RIPOR1: variants seen among roughly 807,000 people sequenced by gnomAD.
The protein encoded by RIPOR1 is RHO family interacting cell polarization regulator 1.
A neutral mutation model predicts 116.5 loss-of-function variants in RIPOR1; 58 were observed. That is an observed-to-expected ratio of 0.50 (90% confidence interval 0.40 to 0.62). The LOEUF (loss-of-function observed/expected upper bound fraction) is 0.62, where lower values mean the gene tolerates loss of function less well. RIPOR1 is among the 20% of genes least tolerant of loss of function. The pLI is 0.00. For synonymous variants in RIPOR1, 605 were observed against 650.0 expected (o/e 0.93, Z 1.05); for missense variants, 1,372 against 1,586.2 (o/e 0.86, Z 2.29).
chr16:67,520,115 T>C (rs1157125803), intron 1 of RIPOR1, among the ~76,000 whole-genome samples: 13 of 140,070 alleles, frequency 9.3e-5, no homozygotes, highest in Admixed American at 7.3e-5. Flanking sequence ...CAGTGGCTCA[T>C]GCCTGTGATC....
In RIPOR1 at chr16:67,545,859, G is replaced by A. The variant is rs1007341932; in HGVS notation, c.3386G>A (p.Arg1129Lys). 8.1e-6 allele frequency: 13 copies of A among 1,607,728 alleles called. No homozygotes were observed. The highest frequency in any genetic ancestry group is 1.7e-5 in the Admixed American group (1 of 59,590). Residue 1129 changes from arginine to lysine, a missense_variant and splice_region_variant, in exon 19 of 22, where the codon AGG becomes AAG. Physicochemically the swap from Arg to Lys is conservative, Grantham distance 26 (BLOSUM62 2). Coordinates refer to ENST00000042381, the MANE Select transcript of RIPOR1 (RefSeq NM_024519.4). The surrounding 1 kb of genome is among the most constrained non-coding windows in gnomAD (Gnocchi z 4.8). The stretch of plus-strand genomic sequence containing the variant: ...TCACTGGGCCCTACCTTCCGGGAGA[G>A]GGTGAGTTGGACAGGGCTCCCTTGA... ...SLSLGPTFRERALLCFLDQLE... is the reference protein window; with the variant it reads ...SLSLGPTFREKALLCFLDQLE...
Position 67,545,570 on chromosome 16 carries a change from G to C in RIPOR1, c.3190+36G>C, listed in dbSNP as rs1250367569. 1 of 1,608,784 alleles carries C rather than the reference G, an allele frequency of 6.2e-7. No homozygotes were observed. Among genetic ancestry groups the C allele is most frequent in the Non-Finnish European group, 8.5e-7 (1 of 1,176,624 alleles). On this transcript the variant is annotated intron_variant, in intron 18 of 21. Coordinates refer to ENST00000042381, the MANE Select transcript of RIPOR1 (RefSeq NM_024519.4). This position sits in a 1 kb window ranked among gnomAD's most constrained non-coding sequence, Gnocchi z 4.8. ...GGCCCTGATCACATAGTGGCCTCTT[G>C]GGGTCTGAGGACATGAGGACAAGCC...
At chr16:67,524,219 G>T (rs991086902), upstream of RIPOR1, among the ~76,000 whole-genome samples, 9 of 152,346 alleles carry the variant, frequency 5.9e-5, no homozygotes, top group Non-Finnish European at 1.0e-4. Flanking sequence ...CCTGATGACA[G>T]TGGTAAAGCC....
intron 1 of RIPOR1, among the ~76,000 whole-genome samples, chr16:67,535,959 G>A (rs1197472188): frequency 6.6e-6 from 1 of 152,152 alleles, no homozygotes; most frequent in Admixed American, 6.5e-5. Context: ...CTGTCGGGGG[G>A]AGGGGGAACT....
intron 6 of RIPOR1, 38 bp downstream of exon 6, chr16:67,539,937 T>C (rs1237612364): frequency 1.2e-6 from 2 of 1,612,322 alleles, no homozygotes; most frequent in East Asian, 2.2e-5. Context: ...GGGTGGGGGG[T>C]TGGATATCAT....
Position 67,543,778 on chromosome 16 carries a change from C to G in RIPOR1, c.2600+309C>G, listed in dbSNP as rs1291884436. ...TGGGTGCCTCCAGCCCCTCCTCTTC[C>G]CCTTGGCCTCACCTTGGACCTGCCC... is the stretch of plus-strand genomic sequence containing the variant. On this transcript the variant is annotated intron_variant, in intron 14 of 21. Coordinates refer to ENST00000042381, the MANE Select transcript of RIPOR1 (RefSeq NM_024519.4). The surrounding 1 kb of genome is among the most constrained non-coding windows in gnomAD (Gnocchi z 4.7). The G allele has an allele frequency of 8.5e-6, 4 of 469,722 alleles. No homozygotes were observed. The highest frequency in any genetic ancestry group is 7.9e-5 in the African/African-American group (4 of 50,702). 29.1% of individuals were successfully genotyped at this position (469,722 alleles called of 1,614,324 possible).
chr16:67,527,687 T>C (rs541294047), upstream of RIPOR1, among the ~76,000 whole-genome samples: 15 of 151,828 alleles, frequency 9.9e-5, no homozygotes, highest in East Asian at 2.5e-3. Flanking sequence ...CCATCCTGGC[T>C]AACATGGTGA....
At position 67,543,888 on chromosome 16, in the gene RIPOR1, G is replaced by A. The variant is rs2051080682; in HGVS notation, c.2601-411G>A. ...CTTCTCAACCCCGACTCTCCCAGAG[G>A]CCCTGGCCCCTCAACTGTCAGTCCT... On this transcript the variant is annotated intron_variant, in intron 14 of 21. Transcript: ENST00000042381. This position sits in a 1 kb window ranked among gnomAD's most constrained non-coding sequence, Gnocchi z 4.7. The A allele has an allele frequency of 5.6e-6, 2 of 354,496 alleles. No homozygotes were observed. The highest frequency in any genetic ancestry group is 3.4e-5 in the South Asian group (1 of 29,048). The allele number at this position is 354,496 out of a possible 1,614,324, so 22.0% of individuals were successfully genotyped here. A position where few individuals can be genotyped will look rare whatever the true frequency, so the allele number is the denominator to read the frequency against.
rs1185058760 is a variant in RIPOR1, at chr16:67,543,186, C to T, written c.2400C>T (p.Ala800=). The change falls in exon 13 of 22, where the codon GCC becomes GCT. Residue 800 remains alanine, a synonymous_variant. Transcript: ENST00000042381. This position sits in a 1 kb window ranked among gnomAD's most constrained non-coding sequence, Gnocchi z 4.7. ...AGGCACTGGGGGCCCTAATGGCTGCCCTGGATGACTACCGTGGCCAGTTTC... is the reference window on the plus strand; with the variant it reads ...AGGCACTGGGGGCCCTAATGGCTGCTCTGGATGACTACCGTGGCCAGTTTC... The part of the protein sequence containing the change: ...LEEALGALMA[A]LDDYRGQFPE... 3.2e-6 allele frequency: 5 copies of T among 1,550,216 alleles called. No individual in the cohort carries two copies. The South Asian group carries it at 6.2e-5, about 19-fold the overall frequency.
At chr16:67,523,722 C>T (rs1457133217) in intron 1 of RIPOR1, among the ~76,000 whole-genome samples, 1 of 151,302 alleles carries the variant, frequency 6.6e-6, no homozygotes, top group African/African-American at 2.4e-5. Context: ...GCTCTGTTGC[C>T]CAGGCTGGAG....
intron 1 of RIPOR1, among the ~76,000 whole-genome samples, chr16:67,520,513 T>A (rs1341666553): frequency 6.6e-6 from 1 of 150,692 alleles, no homozygotes; most frequent in East Asian, 1.9e-4. Context: ...GTATCAAGAA[T>A]GAGGTGTGGC....
At position 67,541,699 on chromosome 16, in the gene RIPOR1, A is replaced by G. The variant is rs747743605; in HGVS notation, c.997A>G (p.Lys333Glu). ...GCCCTCAGCTGCTTCTTCTGTCAAC[A>G]AGGCCTCCACAGTCACCAAGCGCTT... ...DQPSAASSVNKASTVTKRFST... is the reference protein window; with the variant it reads ...DQPSAASSVNEASTVTKRFST... The change falls in exon 12 of 22, where the codon AAG becomes GAG. Residue 333 changes from lysine to glutamate, a missense_variant. Physicochemically the swap from Lys to Glu is moderately conservative, Grantham distance 56. Around this residue, in one of 3 missense-constraint regions of RIPOR1, gnomAD observed 1,005 missense variants for 1,144.7 expected, o/e 0.88. Transcript: ENST00000042381. The surrounding 1 kb of genome is among the most constrained non-coding windows in gnomAD (Gnocchi z 4.6). 1.2e-6 allele frequency: 2 copies of G among 1,613,974 alleles called. No individual in the cohort carries two copies. Among genetic ancestry groups the G allele is most frequent in the Non-Finnish European group, 1.7e-6 (2 of 1,179,950 alleles).
Position 67,544,756 on chromosome 16 carries a change from G to A in RIPOR1, c.2795G>A (p.Arg932Gln), listed in dbSNP as rs778355725. ...QEAWALERLL[R>Q]EARVLEAVCE... The stretch of plus-strand genomic sequence containing the variant: ...GCATGGGCCCTGGAGCGGCTGCTGC[G>A]GGAAGCCCGAGTACTGGAGGCAGTA... Residue 932 changes from arginine to glutamine, a missense_variant, in exon 16 of 22, where the codon CGG becomes CAG. This residue lies in a region of RIPOR1 where 1,005 missense variants were observed against 1,144.7 expected (regional missense o/e 0.88). Transcript: ENST00000042381. The surrounding 1 kb of genome is among the most constrained non-coding windows in gnomAD (Gnocchi z 5.1). 1.2e-5 allele frequency: 19 copies of A among 1,611,898 alleles called. No individual in the cohort carries two copies. Among genetic ancestry groups the A allele is most frequent in the East Asian group, 4.5e-5 (2 of 44,804 alleles).
At chr16:67,526,490 G>T (rs1373065337), upstream of RIPOR1, among the ~76,000 whole-genome samples, 1 of 152,214 alleles carries the variant, frequency 6.6e-6, no homozygotes, top group Admixed American at 6.5e-5. Flanking sequence ...TAAGGAGAAA[G>T]AAGCAAGAGG....
intron 1 of RIPOR1, among the ~76,000 whole-genome samples, chr16:67,533,246 C>A (rs2142452964): frequency 6.6e-6 from 1 of 152,272 alleles, no homozygotes. Context: ...CCAGCATGCA[C>A]TATGACAGCG....
Position 67,540,335 on chromosome 16 carries a change from G to A in RIPOR1, c.603G>A (p.Gln201=). Residue 201 remains glutamine (Q), a synonymous_variant, in exon 8 of 22, where the codon CAG becomes CAA. Coordinates refer to ENST00000042381, the MANE Select transcript of RIPOR1 (RefSeq NM_024519.4). This position sits in a 1 kb window ranked among gnomAD's most constrained non-coding sequence, Gnocchi z 4.7. ...TGCTGGAGAGCGAGCTGGAGGCACA[G>A]CTGGGCGAGTTTCATCTCCGAATGA... ...MCLLESELEA[Q]LGEFHLRMKG... 1 of 1,614,178 alleles carries A rather than the reference G, an allele frequency of 6.2e-7. No individual in the cohort carries two copies. Among genetic ancestry groups the A allele is most frequent in the Non-Finnish European group, 8.5e-7 (1 of 1,180,032 alleles).
At position 67,538,660 on chromosome 16, in the gene RIPOR1, C is replaced by T. The variant is rs762638930; in HGVS notation, c.105-12C>T. On this transcript the variant is annotated splice_polypyrimidine_tract_variant and intron_variant, in intron 2 of 21. Transcript: ENST00000042381. ...CCTGCTCTCCTCTTTCTGAGGACAG[C>T]CTCTCCTTCAGGAGTTTCCCGGTCT... is the stretch of plus-strand genomic sequence containing the variant. 1.2e-6 allele frequency: 2 copies of T among 1,612,118 alleles called. No individual in the cohort carries two copies. The highest frequency in any genetic ancestry group is 1.7e-6 in the Non-Finnish European group (2 of 1,179,304).
rs1424630434 is a variant in RIPOR1, at chr16:67,545,415, T to G, written c.3071T>G (p.Leu1024Arg). The change falls in exon 18 of 22, where the codon CTG becomes CGG. Residue 1024 changes from leucine (L) to arginine (R), a missense_variant. Around this residue, in one of 3 missense-constraint regions of RIPOR1, gnomAD observed 1,005 missense variants for 1,144.7 expected, o/e 0.88. Coordinates refer to ENST00000042381, the MANE Select transcript of RIPOR1 (RefSeq NM_024519.4). This position sits in a 1 kb window ranked among gnomAD's most constrained non-coding sequence, Gnocchi z 4.8. ...KFLEDALGQKLPRRPQPGPGE... is the reference protein window; with the variant it reads ...KFLEDALGQKRPRRPQPGPGE... ...CTGGAGGATGCCCTGGGGCAGAAGC[T>G]GCCCAGAAGGCCCCAGCCAGGGCCT... 4 of 1,613,880 alleles carry G rather than the reference T, an allele frequency of 2.5e-6. No homozygotes were observed. In the African/African-American group the frequency reaches 4.0e-5, roughly 16 times the overall value.
In RIPOR1 at chr16:67,530,189, G is replaced by A; in HGVS notation, c.-24+1275G>A. The A allele has an allele frequency of 3.1e-6, 1 of 327,446 alleles. No individual in the cohort carries two copies. Among genetic ancestry groups the A allele is most frequent in the Admixed American group, 4.7e-5 (1 of 21,208 alleles). 20.3% of individuals were successfully genotyped at this position (327,446 alleles called of 1,614,324 possible). On this transcript the variant is annotated intron_variant, in intron 1 of 21. Transcript: ENST00000042381. This position sits in a 1 kb window ranked among gnomAD's most constrained non-coding sequence, Gnocchi z 4.5. Reference sequence around the variant, plus strand: ...AGAAGCGGGCGGGGAGGGCGCGGGTGAGTCACGGCGGCCCCTCTGCGTCGC... The same window carrying A: ...AGAAGCGGGCGGGGAGGGCGCGGGTAAGTCACGGCGGCCCCTCTGCGTCGC...
Sources: gnomAD v4.1 joint callset for allele counts (sites outside exome capture counted in the v4.1 genomes callset) on GRCh38, gnomAD v4.1.1 for gene constraint, gnomAD v4.1.1 regional missense constraint, Gnocchi (gnomAD v3.1) non-coding constraint, MANE v1.5 for transcripts, NCBI Gene and HGNC (gene_info 2026-07-23, HGNC 2026-07-21) for gene names.